Variants in RUNDC3B observed in about 807,000 individuals in gnomAD.
The protein encoded by RUNDC3B is RUN domain containing 3B, also known as RUN domain-containing protein 3B.
A neutral mutation model predicts 58.4 loss-of-function variants in RUNDC3B; 33 were observed. That is an observed-to-expected ratio of 0.56 (90% CI 0.43 to 0.75). The LOEUF is 0.75. Ranked by LOEUF, RUNDC3B falls within the 30% of genes least tolerant of loss-of-function variation. The pLI, the probability that RUNDC3B is intolerant of heterozygous loss-of-function variation, is 0.00. For missense variants in RUNDC3B, 501 were observed against 535.7 expected, an observed-to-expected ratio of 0.94 and a Z score of 0.64; for synonymous variants, 193 against 195.2, an observed-to-expected ratio of 0.99 and a Z score of 0.10.
At chr7:87,825,543 A>C (rs1312369521) in intron 10 of RUNDC3B, among the ~76,000 whole-genome samples, 1 of 152,214 alleles carries the variant, frequency 6.6e-6, no homozygotes, top group African/African-American at 2.4e-5. Flanking sequence ...CAGAACCCCC[A>C]CACAGAGTCC....
intron 8 of RUNDC3B, among the ~76,000 whole-genome samples, chr7:87,790,943 A>G (rs1029436527): frequency 3.9e-5 from 6 of 152,204 alleles, no homozygotes; most frequent in Admixed American, 6.5e-5. Flanking sequence ...ATAACAGAGA[A>G]CATCCCAAAC....
intron 2 of RUNDC3B, chr7:87,693,815 C>T: frequency 8.7e-7 from 1 of 1,153,598 alleles, no homozygotes; most frequent in East Asian, 2.4e-5. Context: ...TTATATGTAG[C>T]CATCTTAGTT....
intron 6 of RUNDC3B, among the ~76,000 whole-genome samples, chr7:87,759,381 CAT>C (rs1404426606): frequency 2.6e-4 from 39 of 151,812 alleles, no homozygotes; most frequent in South Asian, 1.0e-3. Context: ...GGTATAAAAA[CAT>C]AGTTAGAATG....
intron 10 of RUNDC3B, among the ~76,000 whole-genome samples, chr7:87,826,774 G>T (rs947077256): frequency 3.9e-5 from 6 of 152,090 alleles, no homozygotes; most frequent in Admixed American, 3.9e-4. Context: ...AAATTTGCCT[G>T]AAGTAATCAC....
At chr7:87,792,433 A>G (rs1178639621) in intron 8 of RUNDC3B, among the ~76,000 whole-genome samples, 3 of 152,136 alleles carry the variant, frequency 2.0e-5, no homozygotes, top group Non-Finnish European at 2.9e-5. Flanking sequence ...TAGCACATGG[A>G]TGATTCTCAA....
At chr7:87,754,295 A>G (rs1833222029) in intron 6 of RUNDC3B, among the ~76,000 whole-genome samples, 1 of 152,164 alleles carries the variant, frequency 6.6e-6, no homozygotes, top group African/African-American at 2.4e-5. Context: ...ATCACTCAAA[A>G]CCATGAAATT....
intron 6 of RUNDC3B, among the ~76,000 whole-genome samples, chr7:87,750,277 A>G (rs1193701685): frequency 2.6e-5 from 4 of 151,852 alleles, no homozygotes; most frequent in Non-Finnish European, 5.9e-5. Context: ...CCAGTCTATC[A>G]TTGTTGGACA....
At chr7:87,785,577 C>G (rs1417305280) in intron 8 of RUNDC3B, among the ~76,000 whole-genome samples, 1 of 152,152 alleles carries the variant, frequency 6.6e-6, no homozygotes, top group Admixed American at 6.5e-5. Flanking sequence ...GCAGGCTGTG[C>G]TCTGTGCACC....
At chr7:87,657,707 A>T (rs924048511) in intron 2 of RUNDC3B, among the ~76,000 whole-genome samples, 1 of 152,058 alleles carries the variant, frequency 6.6e-6, no homozygotes, top group African/African-American at 2.4e-5. Flanking sequence ...CCTGTTAGAG[A>T]GTTATGTCTT....
chr7:87,819,482 A>C (rs1837283669), intron 10 of RUNDC3B, among the ~76,000 whole-genome samples: 1 of 152,144 alleles, frequency 6.6e-6, no homozygotes, highest in African/African-American at 2.4e-5. Flanking sequence ...GATCAACGAG[A>C]CAGAAAGTTA....
chr7:87,656,837 A>G (rs931451685), intron 2 of RUNDC3B, among the ~76,000 whole-genome samples: 1 of 152,222 alleles, frequency 6.6e-6, no homozygotes, highest in Non-Finnish European at 1.5e-5. Context: ...ATTCAAAAAC[A>G]TAATGTAATG....
intron 8 of RUNDC3B, among the ~76,000 whole-genome samples, chr7:87,801,498 C>T (rs1836153507): frequency 6.6e-6 from 1 of 152,128 alleles, no homozygotes; most frequent in African/African-American, 2.4e-5. Context: ...TGGCTCACAA[C>T]TGTAATCTCA....
intron 2 of RUNDC3B, among the ~76,000 whole-genome samples, chr7:87,668,988 G>C (rs912325571): frequency 6.6e-6 from 1 of 152,062 alleles, no homozygotes; most frequent in Non-Finnish European, 1.5e-5. Flanking sequence ...AGGTGTATCC[G>C]AGCCTTTTGG....
In RUNDC3B at chr7:87,628,588, T is replaced by TGC. The variant is rs1563084239; in HGVS notation, c.-235_-234insCG. 278 of 29,940 alleles carry TGC rather than the reference T, an allele frequency of 9.3e-3. 1 individual carries two copies. The highest frequency in any genetic ancestry group is 0.04 in the East Asian group (36 of 896). 1.9% of individuals were successfully genotyped at this position (29,940 alleles called of 1,614,324 possible). ...GGCGGAGGTGGTGCGTGCGTGCGTG[T>TGC]GTGTGTGTGTGTGTGTGTGTGTGTG... On this transcript the variant is annotated 5_prime_UTR_variant, in exon 1 of 11. Transcript: ENST00000394654.
chr7:87,658,511 A>G (rs559134896), intron 2 of RUNDC3B, among the ~76,000 whole-genome samples: 40 of 152,344 alleles, frequency 2.6e-4, no homozygotes, highest in African/African-American at 9.1e-4. Context: ...TTAGCAAGAG[A>G]CATAAGCAAA....
At chr7:87,694,373 CCTTTATTTA>C (rs1159439453) in intron 2 of RUNDC3B, among the ~76,000 whole-genome samples, 1 of 152,022 alleles carries the variant, frequency 6.6e-6, no homozygotes, top group Non-Finnish European at 1.5e-5. Context: ...AGAATGCATG[CCTTTATTTA>C]CTTATTCAAA....
chr7:87,750,449 G>A (rs1226737945), intron 6 of RUNDC3B, among the ~76,000 whole-genome samples: 4 of 151,534 alleles, frequency 2.6e-5, no homozygotes, highest in African/African-American at 4.8e-5. Context: ...CTGAGGAATC[G>A]CCACACTGAC....
intron 4 of RUNDC3B, among the ~76,000 whole-genome samples, chr7:87,719,511 A>G (rs950381839): frequency 1.3e-5 from 2 of 151,908 alleles, no homozygotes; most frequent in African/African-American, 4.8e-5. Context: ...TTAACTTGGA[A>G]ATACTAAAAA....
At chr7:87,829,445 TAG>T (rs1222800057) in intron 10 of RUNDC3B, among the ~76,000 whole-genome samples, 5 of 152,208 alleles carry the variant, frequency 3.3e-5, no homozygotes, top group Admixed American at 6.6e-5. Context: ...ATTTATTGAA[TAG>T]AGAGTCTTTT....
Sources: allele counts gnomAD v4.1 joint callset (sites outside exome capture counted in the v4.1 genomes callset), GRCh38; gene constraint gnomAD v4.1.1; transcripts MANE v1.5; gene names NCBI Gene and HGNC (gene_info 2026-07-23, HGNC 2026-07-21).